The following PDE1A variants were observed in gnomAD, a reference collection of about 807,000 sequenced individuals.
PDE1A encodes phosphodiesterase 1A.
Under a neutral mutation model 61.7 loss-of-function variants are expected in PDE1A, and 35 were observed. The ratio of observed to expected loss-of-function variants is 0.57; its 90% CI spans 0.43 to 0.75. PDE1A has a LOEUF of 0.75. Among genes scored for constraint, PDE1A ranks in the 30% least tolerant of loss-of-function variants. PDE1A has a pLI of 0.00. For missense variants in PDE1A, 597 were observed against 630.6 expected, an observed-to-expected ratio of 0.95 and a Z score of 0.57; for synonymous variants, 232 against 213.2, an observed-to-expected ratio of 1.09 and a Z score of -0.77.
At chr2:182,171,077 A>AT (rs1010323781) in intron 13 of PDE1A, among the ~76,000 whole-genome samples, 1 of 151,912 alleles carries the variant, frequency 6.6e-6, no homozygotes, top group East Asian at 1.9e-4. Context: ...ACCTATTCCC[A>AT]TTTTTTTGTT....
chr2:182,347,107 A>C (rs1173907189), intron 1 of PDE1A, among the ~76,000 whole-genome samples: 1 of 117,760 alleles, frequency 8.5e-6, no homozygotes, highest in Non-Finnish European at 1.7e-5. Flanking sequence ...AGAAAGAAAG[A>C]CAAGTTACCA....
Position 182,300,397 on chromosome 2 carries a change from C to T in PDE1A, c.54-35983G>A, listed in dbSNP as rs116813766. 1.0e-2 allele frequency among the ~76,000 whole-genome samples: 1,515 copies of T among 152,220 alleles called. 27 individuals carry two copies. The highest frequency in any genetic ancestry group is 0.034 in the African/African-American group (1,417 of 41,532). On this transcript the variant is annotated intron_variant, in intron 1 of 13. Coordinates refer to ENST00000351439, the Ensembl canonical transcript of PDE1A. ...GACTTGGTTCATTGATAGGCCATTGCGATCAATTGTTGGGAGTTCAAAGCT... is the reference window on the plus strand; with the variant it reads ...GACTTGGTTCATTGATAGGCCATTGTGATCAATTGTTGGGAGTTCAAAGCT...
At chr2:182,608,740 C>G in the PDE1A span, among the ~76,000 whole-genome samples, 2 of 152,232 alleles carry the variant, frequency 1.3e-5, no homozygotes, top group African/African-American at 2.4e-5. Context: ...CCCTGCTCCA[C>G]GGCGCCCAGT....
the PDE1A span, among the ~76,000 whole-genome samples, chr2:182,658,573 T>A: frequency 7.2e-5 from 11 of 152,224 alleles, no homozygotes; most frequent in Non-Finnish European, 1.6e-4. Flanking sequence ...GATTCTATAA[T>A]GACATAGCAT....
intron 7 of PDE1A, among the ~76,000 whole-genome samples, chr2:182,214,638 TA>T (rs1458625318): frequency 7.4e-5 from 11 of 148,722 alleles, no homozygotes; most frequent in Non-Finnish European, 1.5e-4. Context: ...AAACAGACTT[TA>T]AACCAACAAA....
chr2:182,304,651 C>T (rs927083188), intron 1 of PDE1A, among the ~76,000 whole-genome samples: 9 of 152,062 alleles, frequency 5.9e-5, no homozygotes, highest in Admixed American at 5.2e-4. Context: ...AATATTGTGT[C>T]TCAAAGAATA....
At chr2:182,456,864 C>T (rs1685954488) in intron 2 of PDE1A, among the ~76,000 whole-genome samples, 1 of 152,026 alleles carries the variant, frequency 6.6e-6, no homozygotes, top group African/African-American at 2.4e-5. Flanking sequence ...AACAGGTTCT[C>T]TCCTACACAA....
the PDE1A span, among the ~76,000 whole-genome samples, chr2:182,558,309 G>A: frequency 2.6e-5 from 4 of 151,366 alleles, no homozygotes; most frequent in Admixed American, 2.6e-4. Context: ...TATATATTAT[G>A]GCGTTTAAGA....
intron 13 of PDE1A, among the ~76,000 whole-genome samples, chr2:182,170,879 C>T (rs1692146378): frequency 6.6e-6 from 1 of 151,720 alleles, no homozygotes; most frequent in Non-Finnish European, 1.5e-5. Context: ...TAAGATGTTT[C>T]AAATATAAAC....
intron 2 of PDE1A, among the ~76,000 whole-genome samples, chr2:182,249,289 T>C (rs1233121555): frequency 6.6e-6 from 1 of 152,220 alleles, no homozygotes; most frequent in Non-Finnish European, 1.5e-5. Context: ...GGAGACAGGC[T>C]TGGGGACCTT....
intron 7 of PDE1A, among the ~76,000 whole-genome samples, chr2:182,217,759 T>G (rs1688329367): frequency 6.9e-6 from 1 of 145,090 alleles, no homozygotes; most frequent in African/African-American, 2.6e-5. Context: ...CATTAAAAAG[T>G]CAGGAAACAA....
rs1690738849 is a variant in PDE1A, at chr2:182,243,738, C to G, written c.168-3446G>C. Among the ~76,000 whole-genome samples, 3 of 152,192 alleles carry G rather than the reference C, an allele frequency of 2.0e-5. No individual in the cohort carries two copies. The South Asian group carries it at 6.2e-4, about 32-fold the overall frequency. ...TTTAGTTAGTTTAGTTAACTGAGCA[C>G]AATTGCAAAAATGGTCTTTTATTTT... On this transcript the variant is annotated intron_variant, in intron 2 of 13. Coordinates refer to ENST00000351439, the Ensembl canonical transcript of PDE1A.
chr2:182,213,109 C>G (rs200571464), intron 7 of PDE1A, among the ~76,000 whole-genome samples: 1 of 149,540 alleles, frequency 6.7e-6, no homozygotes, highest in Non-Finnish European at 1.5e-5. Flanking sequence ...GTCCCTGACC[C>G]CTGACCCCCG....
chr2:182,212,265 T>TTA (rs894556167), intron 7 of PDE1A, among the ~76,000 whole-genome samples: 12 of 150,426 alleles, frequency 8.0e-5, no homozygotes, highest in East Asian at 7.8e-4. Flanking sequence ...ATGTATACAT[T>TTA]TATATATATA....
chr2:182,398,127 A>T (rs763812476), intron 1 of PDE1A, among the ~76,000 whole-genome samples: 16 of 151,240 alleles, frequency 1.1e-4, no homozygotes, highest in Non-Finnish European at 2.2e-4. Context: ...TGTAAGAAAT[A>T]AAAAAAAAGC....
the PDE1A span, among the ~76,000 whole-genome samples, chr2:182,697,280 C>T: frequency 2.1e-4 from 32 of 152,162 alleles, no homozygotes; most frequent in Admixed American, 1.8e-3. Flanking sequence ...GTTTGCATGT[C>T]GACTCAGCCA....
chr2:182,400,942 G>A (rs1290667400), intron 1 of PDE1A, among the ~76,000 whole-genome samples: 1 of 152,166 alleles, frequency 6.6e-6, no homozygotes. Flanking sequence ...TCCTATCAGA[G>A]AGGAGTTTTT....
At chr2:182,201,667 C>CA (rs775589655) in intron 9 of PDE1A, 21 bp downstream of exon 9, 526 of 1,186,362 alleles carry the variant, frequency 4.4e-4, no homozygotes, top group African/African-American at 4.3e-3. Flanking sequence ...AAAAAAACAA[C>CA]AAAAAAAACA....
intron 8 of PDE1A, among the ~76,000 whole-genome samples, chr2:182,205,024 T>C (rs1281971789): frequency 6.6e-6 from 1 of 152,222 alleles, no homozygotes; most frequent in Non-Finnish European, 1.5e-5. Flanking sequence ...TTAATGTTTT[T>C]ATTGTCACTT....
Sources: gnomAD v4.1 joint callset for allele counts (sites outside exome capture counted in the v4.1 genomes callset) on GRCh38, gnomAD v4.1.1 for gene constraint, MANE v1.5 for transcripts, NCBI Gene and HGNC (gene_info 2026-07-23, HGNC 2026-07-21) for gene names.